The following CARMIL1 variants were observed in gnomAD, a reference collection of about 807,000 sequenced individuals.
The protein encoded by CARMIL1 is capping protein regulator and myosin 1 linker 1.
In CARMIL1, 90 loss-of-function variants were observed where a neutral mutation model predicts 177.1. That is an observed-to-expected ratio of 0.51 (90% CI 0.43 to 0.61). CARMIL1 has a LOEUF of 0.61. CARMIL1 is among the 20% of genes least tolerant of loss of function. CARMIL1 has a pLI of 0.00. For synonymous variants in CARMIL1, 577 were observed against 606.2 expected, an observed-to-expected ratio of 0.95 and a Z score of 0.71; for missense variants, 1,380 against 1,667.0, an observed-to-expected ratio of 0.83 and a Z score of 3.00.
At position 25,407,686 on chromosome 6, in the gene CARMIL1, G is replaced by A. The variant is rs149609327; in HGVS notation, c.139-12428G>A. The stretch of plus-strand genomic sequence containing the variant: ...AAGATTGAAGTTTTACTCTGTGGGA[G>A]TAATAAAAGGACAAGGAACACGAAG... On this transcript the variant is annotated intron_variant, in intron 2 of 36. Coordinates refer to ENST00000329474, the MANE Select transcript of CARMIL1 (RefSeq NM_017640.6). Among the ~76,000 whole-genome samples the A allele has an allele frequency of 4.5e-3, 687 of 152,262 alleles. 4 individuals are homozygous for A. Among genetic ancestry groups the A allele is most frequent in the Admixed American group, 7.4e-3 (113 of 15,296 alleles).
chr6:25,362,387 T>C (rs983395777), intron 2 of CARMIL1, among the ~76,000 whole-genome samples: 1 of 152,208 alleles, frequency 6.6e-6, no homozygotes, highest in Non-Finnish European at 1.5e-5. Flanking sequence ...TTAAAACCAC[T>C]ACACGGGCCG....
At chr6:25,461,438 C>T (rs1326706101) in intron 8 of CARMIL1, among the ~76,000 whole-genome samples, 8 of 152,168 alleles carry the variant, frequency 5.3e-5, no homozygotes, top group African/African-American at 1.9e-4. Flanking sequence ...TCCTCATTCA[C>T]GTGTTTGGTG....
chr6:25,430,612 C>T (rs542715200), intron 4 of CARMIL1, among the ~76,000 whole-genome samples: 2 of 151,866 alleles, frequency 1.3e-5, no homozygotes, highest in African/African-American at 4.8e-5. Context: ...GTATTTTTTC[C>T]TAGAGACAGG....
At chr6:25,294,834 T>C (rs929767980) in intron 2 of CARMIL1, among the ~76,000 whole-genome samples, 1 of 152,194 alleles carries the variant, frequency 6.6e-6, no homozygotes, top group Admixed American at 6.5e-5. Flanking sequence ...CTGTTGGTGT[T>C]TGGGGATCAC....
intron 11 of CARMIL1, among the ~76,000 whole-genome samples, chr6:25,478,047 T>C (rs933356236): frequency 1.3e-5 from 2 of 151,772 alleles, no homozygotes; most frequent in Non-Finnish European, 2.9e-5. Context: ...TTTGTAGTGA[T>C]GTGGTCTCAC....
chr6:25,581,844 T>C (rs1813152199), intron 31 of CARMIL1, among the ~76,000 whole-genome samples: 1 of 152,174 alleles, frequency 6.6e-6, no homozygotes, highest in South Asian at 2.1e-4. Context: ...ATTGTTTGAT[T>C]CTGGAGTGCA....
intron 7 of CARMIL1, 82 bp from the exon 8 acceptor site, chr6:25,450,556 C>A: frequency 9.4e-7 from 1 of 1,061,702 alleles, no homozygotes; most frequent in South Asian, 1.4e-5. Context: ...CTGCCATTGT[C>A]ATTGTCTAAT....
At chr6:25,315,026 A>G (rs1437169003) in intron 2 of CARMIL1, among the ~76,000 whole-genome samples, 2 of 152,290 alleles carry the variant, frequency 1.3e-5, no homozygotes, top group African/African-American at 4.8e-5. Context: ...AAAGCTTCCT[A>G]TATGTCAGTA....
chr6:25,344,907 T>A (rs1202786734), intron 2 of CARMIL1, among the ~76,000 whole-genome samples: 1 of 152,222 alleles, frequency 6.6e-6, no homozygotes, highest in Non-Finnish European at 1.5e-5. Context: ...GGCATATGAG[T>A]TATTATTTTT....
At chr6:25,420,303 T>C in intron 3 of CARMIL1, 139 bp downstream of exon 3, 1 of 804,972 alleles carries the variant, frequency 1.2e-6, no homozygotes, top group Non-Finnish European at 2.1e-6. Context: ...CTCACTTACA[T>C]AGACTTTTGA....
intron 8 of CARMIL1, chr6:25,452,289 T>G (rs775905715): frequency 5.3e-6 from 4 of 751,894 alleles, no homozygotes; most frequent in South Asian, 4.2e-5. Flanking sequence ...CTTTATACTT[T>G]CAAATTTAGA....
intron 8 of CARMIL1, chr6:25,451,989 C>CCA: frequency 1.5e-5 from 1 of 66,836 alleles, no homozygotes; most frequent in South Asian, 1.8e-4. Flanking sequence ...GCATCTTGCC[C>CCA]CCCCCTCCCC....
chr6:25,475,093 A>G (rs1801419409), intron 11 of CARMIL1, among the ~76,000 whole-genome samples: 1 of 152,234 alleles, frequency 6.6e-6, no homozygotes, highest in African/African-American at 2.4e-5. Flanking sequence ...CATGCAAAAC[A>G]TGTTAGATAG....
chr6:25,600,221 A>G (rs1815251648), intron 32 of CARMIL1, 93 bp from the exon 33 acceptor site: 28 of 1,181,162 alleles, frequency 2.4e-5, no homozygotes, highest in Non-Finnish European at 3.4e-5. Flanking sequence ...GTTACTGTAT[A>G]TGTAGCAATC....
intron 2 of CARMIL1, among the ~76,000 whole-genome samples, chr6:25,344,473 CT>C (rs1268312433): frequency 8.5e-5 from 13 of 152,146 alleles, no homozygotes; most frequent in African/African-American, 2.7e-4. Context: ...CTGTTCTGTG[CT>C]TGCACCCATG....
intron 36 of CARMIL1, among the ~76,000 whole-genome samples, chr6:25,616,119 G>C (rs1816869799): frequency 6.6e-6 from 1 of 152,166 alleles, no homozygotes; most frequent in African/African-American, 2.4e-5. Flanking sequence ...CACGCATAGA[G>C]ATGCTCCAGC....
intron 31 of CARMIL1, among the ~76,000 whole-genome samples, chr6:25,591,650 A>G (rs1814314188): frequency 6.6e-6 from 1 of 152,240 alleles, no homozygotes; most frequent in Non-Finnish European, 1.5e-5. Context: ...TTTGCAAACT[A>G]CATTTCAATT....
At chr6:25,484,571 C>T (rs190114988) in intron 12 of CARMIL1, among the ~76,000 whole-genome samples, 2 of 152,310 alleles carry the variant, frequency 1.3e-5, no homozygotes, top group African/African-American at 2.4e-5. Flanking sequence ...ATCACTGTTC[C>T]ACTTCAGCAA....
intron 5 of CARMIL1, among the ~76,000 whole-genome samples, chr6:25,446,719 C>A (rs1357495534): frequency 6.6e-6 from 1 of 152,128 alleles, no homozygotes; most frequent in Non-Finnish European, 1.5e-5. Context: ...TAATTTTTAG[C>A]CTGTCTTGGC....
Sources: gnomAD v4.1 joint callset for allele counts (sites outside exome capture counted in the v4.1 genomes callset) on GRCh38, gnomAD v4.1.1 for gene constraint, MANE v1.5 for transcripts, NCBI Gene and HGNC (gene_info 2026-07-23, HGNC 2026-07-21) for gene names.